Variants in C19orf12 observed in about 807,000 individuals in gnomAD.
C19orf12 encodes chromosome 19 open reading frame 12.
In C19orf12, 2 loss-of-function variants were observed where a neutral mutation model predicts 3.8. That is an observed-to-expected ratio of 0.53 (90% CI 0.22 to 1.66). The LOEUF is 1.66. C19orf12 is among the 40% of genes most tolerant of loss of function. C19orf12 has a pLI of 0.20. For missense variants in C19orf12, 156 were observed against 188.8 expected (o/e 0.83, Z 1.02); for synonymous variants, 89 against 84.6 (o/e 1.05, Z -0.28).
At position 29,700,676 on chromosome 19, in the gene C19orf12, G is replaced by A. The variant is rs746760068; in HGVS notation, c.*2036C>T. The stretch of plus-strand genomic sequence containing the variant: ...TTCATTAACTCCAGGAGTGTGGCCT[G>A]TGCTAGGGCACCTGATTTGTGCTAG... On this transcript the variant is annotated 3_prime_UTR_variant, in exon 3 of 3. Coordinates refer to ENST00000323670, the MANE Select transcript of C19orf12 (RefSeq NM_031448.6). 4.4e-6 allele frequency: 2 copies of A among 454,110 alleles called. No individual in the cohort carries two copies. Among genetic ancestry groups the A allele is most frequent in the South Asian group, 3.1e-5 (2 of 64,468 alleles). The allele number at this position is 454,110 out of a possible 1,614,324, so 28.1% of individuals were successfully genotyped here.
intron 1 of C19orf12, 71 bp downstream of exon 1, chr19:29,715,054 T>G: frequency 1.5e-6 from 1 of 651,214 alleles, no homozygotes; most frequent in Non-Finnish European, 2.8e-6. Flanking sequence ...AGGCCTGCTC[T>G]TGGGGTGCCC....
chr19:29,703,355 C>CA (rs1972214188), intron 2 of C19orf12, among the ~76,000 whole-genome samples: 1 of 150,158 alleles, frequency 6.7e-6, no homozygotes, highest in African/African-American at 2.4e-5. Flanking sequence ...GGCTGAGAAA[C>CA]AAATGCATTT....
At position 29,701,468 on chromosome 19, in the gene C19orf12, A is replaced by C. The variant is rs1972079279; in HGVS notation, c.*1244T>G. 2.2e-6 allele frequency: 1 copy of C among 454,078 alleles called. No individual in the cohort carries two copies. The highest frequency in any genetic ancestry group is 4.4e-6 in the Non-Finnish European group (1 of 226,810). 28.1% of individuals were successfully genotyped at this position (454,078 alleles called of 1,614,324 possible). A position where few individuals can be genotyped will look rare whatever the true frequency, so the allele number is the denominator to read the frequency against. ...CCATATTGTTTAGGGAATAATGGCA[A>C]GAAAAAAAGGTCTGTACGTGTTCAG... is the stretch of plus-strand genomic sequence containing the variant. On this transcript the variant is annotated 3_prime_UTR_variant, in exon 3 of 3. Coordinates refer to ENST00000323670, the MANE Select transcript of C19orf12 (RefSeq NM_031448.6).
Position 29,701,455 on chromosome 19 carries a change from G to A in C19orf12, c.*1257C>T. The stretch of plus-strand genomic sequence containing the variant: ...TAAATATGCTACACCATATTGTTTA[G>A]GGAATAATGGCAAGAAAAAAAGGTC... On this transcript the variant is annotated 3_prime_UTR_variant, in exon 3 of 3. Transcript: ENST00000323670. 2.2e-6 allele frequency: 1 copy of A among 454,074 alleles called. No individual in the cohort carries two copies. The allele number at this position is 454,074 out of a possible 1,614,324, so 28.1% of individuals were successfully genotyped here.
chr19:29,707,764 A>T (rs1455805921), intron 2 of C19orf12, among the ~76,000 whole-genome samples: 1 of 152,008 alleles, frequency 6.6e-6, no homozygotes, highest in African/African-American at 2.4e-5. Flanking sequence ...ATCTACAAAG[A>T]TCATTTCCCA....
At chr19:29,714,989 G>A (rs1261326442) in intron 1 of C19orf12, 136 bp downstream of exon 1, 1 of 713,664 alleles carries the variant, frequency 1.4e-6, no homozygotes, top group African/African-American at 1.8e-5. Context: ...GGCACCGGGA[G>A]GGCCGGGCTC....
At chr19:29,703,099 G>T in intron 2 of C19orf12, 122 bp from the exon 3 acceptor site, 1 of 1,324,826 alleles carries the variant, frequency 7.5e-7, no homozygotes, top group Non-Finnish European at 1.1e-6. Flanking sequence ...GGGCTGCAGC[G>T]GGCTCAGCCG....
At chr19:29,713,442 G>A (rs889389245) in intron 1 of C19orf12, among the ~76,000 whole-genome samples, 1 of 151,872 alleles carries the variant, frequency 6.6e-6, no homozygotes, top group Non-Finnish European at 1.5e-5. Flanking sequence ...CACCGAGAGC[G>A]GCCTAGCTTT....
rs182215624 is a variant in C19orf12, at chr19:29,701,176, A to G, written c.*1536T>C. 142 of 454,158 alleles carry G rather than the reference A, an allele frequency of 3.1e-4. No individual in the cohort carries two copies. Among genetic ancestry groups the G allele is most frequent in the Admixed American group, 8.0e-4 (34 of 42,578 alleles). 28.1% of individuals were successfully genotyped at this position (454,158 alleles called of 1,614,324 possible). On this transcript the variant is annotated 3_prime_UTR_variant, in exon 3 of 3. Transcript: ENST00000323670. ...TGGGAAAATGGCTTTTTAGAAAAAC[A>G]TTTATTGTAATCGATCACATTCAAG... is the stretch of plus-strand genomic sequence containing the variant.
At chr19:29,715,393 G>C, upstream of C19orf12, 1 of 400,864 alleles carries the variant, frequency 2.5e-6, no homozygotes, top group Non-Finnish European at 5.0e-6. Context: ...CCCCCTCCCC[G>C]GTCCTGGCCC....
chr19:29,701,953 G>A lies in C19orf12; in HGVS notation c.*759C>T, dbSNP rs139678320. On this transcript the variant is annotated 3_prime_UTR_variant, in exon 3 of 3. Coordinates refer to ENST00000323670, the MANE Select transcript of C19orf12 (RefSeq NM_031448.6). ...GCTTTATTGTGATGTTGGCTTTACC[G>A]AGGTGGTCTGGAACTGAACCCACAA... is the stretch of plus-strand genomic sequence containing the variant. The A allele has an allele frequency of 8.8e-6, 4 of 454,128 alleles. No individual in the cohort carries two copies. Among genetic ancestry groups the A allele is most frequent in the Non-Finnish European group, 1.3e-5 (3 of 226,798 alleles). 28.1% of individuals were successfully genotyped at this position (454,128 alleles called of 1,614,324 possible).
In C19orf12 at chr19:29,699,858, GAT is replaced by G. The variant is rs1420717704; in HGVS notation, c.*2852_*2853del. On this transcript the variant is annotated 3_prime_UTR_variant, in exon 3 of 3. Transcript: ENST00000323670. Reference sequence around the variant, plus strand: ...AATAAATTTCTACAAAGAAGATACAGATATATAAATACTAAAACCACAGGAGC... The same window carrying G: ...AATAAATTTCTACAAAGAAGATACAGATATAAATACTAAAACCACAGGAGC... The G allele has an allele frequency of 2.2e-6, 1 of 453,618 alleles. No individual in the cohort carries two copies. Among genetic ancestry groups the G allele is most frequent in the Non-Finnish European group, 4.4e-6 (1 of 226,678 alleles). The allele number at this position is 453,618 out of a possible 1,614,324, so 28.1% of individuals were successfully genotyped here.
chr19:29,715,004 C>G (rs1261366341), intron 1 of C19orf12, 121 bp downstream of exon 1: 1 of 711,000 alleles, frequency 1.4e-6, no homozygotes, highest in South Asian at 1.5e-5. Context: ...GGGCTCCCGG[C>G]AGGGCGGGGA....
chr19:29,711,396 G>C (rs192348010), intron 1 of C19orf12, among the ~76,000 whole-genome samples: 1 of 152,280 alleles, frequency 6.6e-6, no homozygotes, highest in Admixed American at 6.5e-5. Flanking sequence ...TAATTTTACA[G>C]TAAAATCTTA....
Position 29,700,088 on chromosome 19 carries a change from T to C in C19orf12, c.*2624A>G, listed in dbSNP as rs1208261469. 2 of 454,016 alleles carry C rather than the reference T, an allele frequency of 4.4e-6. No individual in the cohort carries two copies. Among genetic ancestry groups the C allele is most frequent in the Middle Eastern group, 6.9e-4 (1 of 1,444 alleles). 28.1% of individuals were successfully genotyped at this position (454,016 alleles called of 1,614,324 possible). A position where few individuals can be genotyped will look rare whatever the true frequency, so the allele number is the denominator to read the frequency against. On this transcript the variant is annotated 3_prime_UTR_variant, in exon 3 of 3. Transcript: ENST00000323670. ...ATCAGGAGTTGGACCATCTCCTCCC[T>C]GGGCATTTTTCCCTGCAGTAGGGGT...
In C19orf12 at chr19:29,715,249, C is replaced by A. The variant is rs537644349; in HGVS notation, c.-135G>T. On this transcript the variant is annotated 5_prime_UTR_variant, in exon 1 of 3. Transcript: ENST00000323670. ...CGGAGGGTCGCGCAGGCCTTGGTGG[C>A]GGCCCCGGCGCTGGCCCCGCCCTCC... 3 of 388,312 alleles carry A rather than the reference C, an allele frequency of 7.7e-6. No homozygotes were observed. Among genetic ancestry groups the A allele is most frequent in the South Asian group, 4.3e-5 (2 of 46,162 alleles). The allele number at this position is 388,312 out of a possible 1,614,324, so 24.1% of individuals were successfully genotyped here.
At chr19:29,703,378 C>CTTTT (rs1165470646) in intron 2 of C19orf12, among the ~76,000 whole-genome samples, 40 of 128,394 alleles carry the variant, frequency 3.1e-4, no homozygotes, top group South Asian at 7.7e-4. Context: ...TTTTTCTTTT[C>CTTTT]TTTTTTTTTT....
chr19:29,711,589 C>T (rs79104780), intron 1 of C19orf12, among the ~76,000 whole-genome samples: 2,204 of 152,344 alleles, frequency 0.014, 62 homozygotes, highest in African/African-American at 0.05. Context: ...CTGAGCCCTG[C>T]CATGCTTGGT....
At chr19:29,703,011 T>C in intron 2 of C19orf12, 34 bp from the exon 3 acceptor site, 1 of 1,613,746 alleles carries the variant, frequency 6.2e-7, no homozygotes, top group Non-Finnish European at 8.5e-7. Context: ...TTAGTGGGTC[T>C]TATTCATAAG....
Sources: gnomAD v4.1 joint callset for allele counts (sites outside exome capture counted in the v4.1 genomes callset) on GRCh38, gnomAD v4.1.1 for gene constraint, MANE v1.5 for transcripts, NCBI Gene and HGNC (gene_info 2026-07-23, HGNC 2026-07-21) for gene names.